The following ADGRB3 variants were observed in gnomAD, a reference collection of about 807,000 sequenced individuals.
ADGRB3 encodes brain-specific angiogenesis inhibitor 3.
ADGRB3 carries 37 observed loss-of-function variants against 193.4 expected under a neutral mutation model. That is an observed-to-expected ratio of 0.19 (90% confidence interval 0.15 to 0.25). The LOEUF (loss-of-function observed/expected upper bound fraction) is 0.25, where lower values mean the gene tolerates loss of function less well. ADGRB3 is among the 10% of genes least tolerant of loss of function. ADGRB3 has a pLI of 1.00. For synonymous variants in ADGRB3, 690 were observed against 644.2 expected (o/e 1.07, Z -1.08); for missense variants, 1,637 against 1,852.9 (o/e 0.88, Z 2.14).
chr6:69,287,475 A>G (rs564885346), intron 20 of ADGRB3, among the ~76,000 whole-genome samples: 1 of 152,222 alleles, frequency 6.6e-6, no homozygotes, highest in Admixed American at 6.5e-5. Flanking sequence ...TCTACATGTA[A>G]CAGAAAGGAA....
chr6:68,865,322 C>T (rs1215669956), intron 3 of ADGRB3, among the ~76,000 whole-genome samples: 4 of 152,060 alleles, frequency 2.6e-5, no homozygotes, highest in African/African-American at 7.2e-5. Flanking sequence ...ATTACATTTT[C>T]TCTTTTTTCC....
chr6:68,705,843 C>G (rs925401692), intron 3 of ADGRB3, among the ~76,000 whole-genome samples: 1 of 152,072 alleles, frequency 6.6e-6, no homozygotes, highest in South Asian at 2.1e-4. Flanking sequence ...TACATCCAGA[C>G]AGAAGGGTGG....
intron 17 of ADGRB3, among the ~76,000 whole-genome samples, chr6:69,086,153 G>C (rs1377541967): frequency 1.3e-5 from 2 of 151,982 alleles, no homozygotes; most frequent in Non-Finnish European, 2.9e-5. Flanking sequence ...GAAAACTAAA[G>C]ATGGCATTTA....
chr6:68,665,403 A>C (rs1222397454), intron 3 of ADGRB3, among the ~76,000 whole-genome samples: 1 of 151,866 alleles, frequency 6.6e-6, no homozygotes, highest in Non-Finnish European at 1.5e-5. Context: ...AATTCTTTGA[A>C]GTATTTAATT....
In ADGRB3 at chr6:69,299,574, G is replaced by A. The variant is rs1446836775; in HGVS notation, c.2815-25298G>A. Among the ~76,000 whole-genome samples, 3 of 151,912 alleles carry A rather than the reference G, an allele frequency of 2.0e-5. No homozygotes were observed. The East Asian group carries it at 5.8e-4, about 29-fold the overall frequency. ...GATTTTTGTTTATGGCAAGAGATAG[G>A]GGTCTAGTTTCATTCTTCTGCATAT... On this transcript the variant is annotated intron_variant, in intron 20 of 31. Transcript: ENST00000370598.
At chr6:68,753,394 C>T (rs770502382) in intron 3 of ADGRB3, among the ~76,000 whole-genome samples, 8 of 152,218 alleles carry the variant, frequency 5.3e-5, no homozygotes, top group Admixed American at 1.3e-4. Context: ...AATTAAGCCG[C>T]GAAGTAGTAG....
chr6:68,936,905 G>A (rs1445292272), intron 5 of ADGRB3, among the ~76,000 whole-genome samples: 2 of 152,204 alleles, frequency 1.3e-5, no homozygotes, highest in African/African-American at 2.4e-5. Context: ...GCAAATATCA[G>A]TTTCTAATCT....
rs924679759 is a variant in ADGRB3 at position 68,700,955 on chromosome 6, G to A, written c.757+61523G>A. ...CTGCACGTTGTGCACATGTACCCTAGAACTTGAAGTATAATAAAGAATAAA... is the reference window on the plus strand; with the variant it reads ...CTGCACGTTGTGCACATGTACCCTAAAACTTGAAGTATAATAAAGAATAAA... On this transcript the variant is annotated intron_variant, in intron 3 of 31. Coordinates refer to ENST00000370598, the MANE Select transcript of ADGRB3 (RefSeq NM_001704.3). Among the ~76,000 whole-genome samples the A allele has an allele frequency of 1.2e-3, 180 of 152,062 alleles. 1 individual carries two copies. The highest frequency in any genetic ancestry group is 6.5e-4 in the Non-Finnish European group (44 of 67,982).
At chr6:69,040,267 C>T (rs1001602219) in intron 13 of ADGRB3, among the ~76,000 whole-genome samples, 1 of 152,036 alleles carries the variant, frequency 6.6e-6, no homozygotes, top group Non-Finnish European at 1.5e-5. Flanking sequence ...CGCTTTCCCC[C>T]ACTCTATTGT....
At chr6:68,898,721 G>C (rs1766311587) in intron 3 of ADGRB3, among the ~76,000 whole-genome samples, 2 of 152,056 alleles carry the variant, frequency 1.3e-5, no homozygotes, top group African/African-American at 4.8e-5. Context: ...AGGTAACTAA[G>C]CTATCAACAG....
At chr6:69,258,034 A>G (rs1766820630) in intron 20 of ADGRB3, among the ~76,000 whole-genome samples, 1 of 152,092 alleles carries the variant, frequency 6.6e-6, no homozygotes, top group Non-Finnish European at 1.5e-5. Context: ...AAGCTTCCAG[A>G]CCCCATTTGT....
chr6:69,087,445 A>C (rs1190532499), intron 17 of ADGRB3, among the ~76,000 whole-genome samples: 1 of 152,152 alleles, frequency 6.6e-6, no homozygotes, highest in African/African-American at 2.4e-5. Context: ...GGAGGGGGAC[A>C]TCTAAGAGGT....
chr6:69,070,474 A>G (rs574881221), intron 16 of ADGRB3, among the ~76,000 whole-genome samples: 15 of 152,332 alleles, frequency 9.8e-5, no homozygotes, highest in African/African-American at 2.4e-4. Flanking sequence ...CATGGGAGGA[A>G]TATGCTTTAA....
chr6:69,335,088 GA>G (rs1768818247), intron 24 of ADGRB3, among the ~76,000 whole-genome samples: 1 of 151,934 alleles, frequency 6.6e-6, no homozygotes, highest in Non-Finnish European at 1.5e-5. Context: ...GTCATAAAAA[GA>G]GATGAGATCA....
intron 20 of ADGRB3, among the ~76,000 whole-genome samples, chr6:69,288,208 C>T (rs113235678): frequency 0.013 from 1,911 of 152,226 alleles, 37 homozygotes; most frequent in African/African-American, 0.041. Flanking sequence ...GCCCTCCACC[C>T]GCTAACAGGC....
chr6:68,703,633 T>C (rs1765278853), intron 3 of ADGRB3, among the ~76,000 whole-genome samples: 1 of 152,186 alleles, frequency 6.6e-6, no homozygotes, highest in Non-Finnish European at 1.5e-5. Flanking sequence ...TTTTGTTTGT[T>C]TGTTTTTGAG....
chr6:68,807,239 T>C (rs1256704691), intron 3 of ADGRB3, among the ~76,000 whole-genome samples: 2 of 134,186 alleles, frequency 1.5e-5, no homozygotes, highest in Non-Finnish European at 3.1e-5. Flanking sequence ...TTTTTTCTTT[T>C]TTTTTTTTTT....
At chr6:69,148,508 G>T (rs1375571623) in intron 17 of ADGRB3, among the ~76,000 whole-genome samples, 1 of 152,008 alleles carries the variant, frequency 6.6e-6, no homozygotes. Context: ...AGAAATTGTA[G>T]TTATTATTTT....
At chr6:68,930,065 G>GA (rs138263407) in intron 3 of ADGRB3, among the ~76,000 whole-genome samples, 135 of 123,768 alleles carry the variant, frequency 1.1e-3, no homozygotes, top group African/African-American at 1.2e-3. Context: ...ATCTTTGGAT[G>GA]AAAAAAAAAA....
Sources: allele counts gnomAD v4.1 joint callset (sites outside exome capture counted in the v4.1 genomes callset), GRCh38; gene constraint gnomAD v4.1.1; transcripts MANE v1.5; gene names NCBI Gene and HGNC (gene_info 2026-07-23, HGNC 2026-07-21).